The following POM121 variants were observed in gnomAD, a reference collection of about 807,000 sequenced individuals.
The protein encoded by POM121 is nuclear envelope pore membrane protein POM 121.
A neutral mutation model predicts 81.3 loss-of-function variants in POM121; 32 were observed. The ratio of observed to expected loss-of-function variants is 0.39; its 90% confidence interval spans 0.30 to 0.53. The LOEUF (loss-of-function observed/expected upper bound fraction) is 0.53. POM121 is among the 20% of genes least tolerant of loss of function. The pLI, the probability that POM121 is intolerant of heterozygous loss-of-function variation, is 0.66. For synonymous variants in POM121, 514 were observed against 694.2 expected (o/e 0.74, Z 4.08); for missense variants, 1,138 against 1,614.6 (o/e 0.70, Z 5.06).
downstream of POM121, chr7:72,949,872 GTGAC>G: frequency 1.3e-6 from 2 of 1,594,970 alleles, no homozygotes; most frequent in Admixed American, 3.3e-5. Context: ...GAGCAGCCAA[GTGAC>G]TGGTCTTTAT....
chr7:72,894,191 A>T (rs1554491328), intron 3 of POM121, among the ~76,000 whole-genome samples: 1 of 152,090 alleles, frequency 6.6e-6, no homozygotes, highest in East Asian at 1.9e-4. Flanking sequence ...TGAACCCGGG[A>T]GGCAGCAGTT....
intron 1 of POM121, chr7:72,890,623 A>G (rs1791212765): frequency 1.2e-6 from 2 of 1,600,448 alleles, no homozygotes; most frequent in East Asian, 4.5e-5. Flanking sequence ...TGTTGCCATT[A>G]CAGGGGCCAG....
At chr7:72,899,870 C>T (rs1244681218) in intron 3 of POM121, among the ~76,000 whole-genome samples, 1 of 151,968 alleles carries the variant, frequency 6.6e-6, no homozygotes, top group Non-Finnish European at 1.5e-5. Flanking sequence ...TGAGCCACCA[C>T]GCCTGGTGCT....
At chr7:72,905,309 G>GT (rs1487780636) in intron 3 of POM121, among the ~76,000 whole-genome samples, 1 of 152,140 alleles carries the variant, frequency 6.6e-6, no homozygotes, top group Admixed American at 6.5e-5. Flanking sequence ...TAATTTCCAT[G>GT]TGTTTAGAGA....
intron 5 of POM121, among the ~76,000 whole-genome samples, chr7:72,937,606 G>A (rs1796637450): frequency 1.3e-5 from 2 of 152,230 alleles, no homozygotes; most frequent in South Asian, 2.1e-4. Flanking sequence ...AGCATTGCTG[G>A]CTTCCTGTTT....
At chr7:72,888,325 G>A (rs186972689) in intron 1 of POM121, among the ~76,000 whole-genome samples, 1 of 152,136 alleles carries the variant, frequency 6.6e-6, no homozygotes, top group African/African-American at 2.4e-5. Flanking sequence ...AGGGAAACTG[G>A]TATCTCTGTA....
At chr7:72,948,929 C>G (rs180843964), downstream of POM121, 512 of 1,612,714 alleles carry the variant, frequency 3.2e-4, 2 homozygotes, top group Non-Finnish European at 3.4e-4. Context: ...GCATCTTGTA[C>G]CATGTCTTCA....
intron 3 of POM121, among the ~76,000 whole-genome samples, chr7:72,899,535 G>A (rs1315861732): frequency 8.6e-5 from 13 of 151,736 alleles, no homozygotes; most frequent in African/African-American, 1.9e-4. Flanking sequence ...GCATTCACCC[G>A]GTCACCATCA....
chr7:72,913,364 G>T (rs532688966), intron 3 of POM121, among the ~76,000 whole-genome samples: 6 of 152,242 alleles, frequency 3.9e-5, no homozygotes, highest in Non-Finnish European at 8.8e-5. Context: ...TGGGCAGATG[G>T]AGCCGTGGAT....
chr7:72,918,693 A>G (rs1554495467), intron 4 of POM121, among the ~76,000 whole-genome samples: 1 of 151,970 alleles, frequency 6.6e-6, no homozygotes, highest in African/African-American at 2.4e-5. Flanking sequence ...CCACACCAGC[A>G]GGGCTGACTT....
intron 5 of POM121, among the ~76,000 whole-genome samples, chr7:72,930,612 A>G (rs1320489569): frequency 6.6e-6 from 1 of 152,238 alleles, no homozygotes; most frequent in Non-Finnish European, 1.5e-5. Flanking sequence ...GGGTTTTTAA[A>G]CAAGTGGTCA....
At chr7:72,945,234 G>A (rs1234038269) in intron 11 of POM121, among the ~76,000 whole-genome samples, 28 of 152,282 alleles carry the variant, frequency 1.8e-4, no homozygotes, top group Non-Finnish European at 2.6e-4. Context: ...GGTGGCTGGG[G>A]GAAAAGGCCT....
At chr7:72,943,757 G>C (rs1328803437) in intron 11 of POM121, among the ~76,000 whole-genome samples, 1 of 152,086 alleles carries the variant, frequency 6.6e-6, no homozygotes, top group African/African-American at 2.4e-5. Flanking sequence ...TAAGCTGAAG[G>C]TTGGGCGCAG....
At chr7:72,929,489 A>AT (rs564366780) in intron 4 of POM121, among the ~76,000 whole-genome samples, 132 of 151,698 alleles carry the variant, frequency 8.7e-4, no homozygotes, top group Non-Finnish European at 1.6e-3. Flanking sequence ...CTTAACTCTG[A>AT]TTTTTTTTTA....
At chr7:72,894,315 C>T (rs1476169887) in intron 3 of POM121, among the ~76,000 whole-genome samples, 6 of 152,032 alleles carry the variant, frequency 3.9e-5, no homozygotes, top group African/African-American at 9.7e-5. Context: ...TGGTGGCTCA[C>T]GCCTGTAATC....
Position 72,905,382 on chromosome 7 carries a change from G to A in POM121, c.-215-8383G>A, listed in dbSNP as rs542463387. 1.8e-4 allele frequency among the ~76,000 whole-genome samples: 27 copies of A among 152,218 alleles called. 2 individuals are homozygous for A. The South Asian group carries it at 5.6e-3, about 32-fold the overall frequency. On this transcript the variant is annotated intron_variant, in intron 3 of 15. Coordinates refer to the POM121 transcript ENST00000395270. ...CTTTTACGGTCACAGAACATATTTT[G>A]TATGATTTCAGTTATTTTACATTTC...
At chr7:72,949,001 G>A (rs1554504142), downstream of POM121, 3 of 1,610,924 alleles carry the variant, frequency 1.9e-6, no homozygotes, top group Admixed American at 3.3e-5. Context: ...GGGAAAGTGA[G>A]CGCGTGGCAC....
At position 72,893,902 on chromosome 7, in the gene POM121, C is replaced by T. The variant is rs1791578641; in HGVS notation, c.-216+2792C>T. Among the ~76,000 whole-genome samples, 4 of 152,128 alleles carry T rather than the reference C, an allele frequency of 2.6e-5. No individual in the cohort carries two copies. The South Asian group carries it at 8.3e-4, about 32-fold the overall frequency. On this transcript the variant is annotated intron_variant, in intron 3 of 15. Transcript: ENST00000395270. ...CCCTGGTTTCTGCTCAACTCGGCGC[C>T]GTGTCTCTGTTCCCCAAAGTTCTGT...
intron 3 of POM121, among the ~76,000 whole-genome samples, chr7:72,893,883 T>C (rs1322028616): frequency 6.6e-6 from 1 of 152,166 alleles, no homozygotes; most frequent in Non-Finnish European, 1.5e-5. Context: ...TCTGCCCTGG[T>C]TTCTGCTCAA....
Sources: gnomAD v4.1 joint callset for allele counts (sites outside exome capture counted in the v4.1 genomes callset) on GRCh38, gnomAD v4.1.1 for gene constraint, MANE v1.5 for transcripts, NCBI Gene and HGNC (gene_info 2026-07-23, HGNC 2026-07-21) for gene names.